Variants in TTC27 observed in about 807,000 individuals in gnomAD.
TTC27 encodes tetratricopeptide repeat protein 27.
TTC27 carries 79 observed loss-of-function variants against 115.9 expected under a neutral mutation model. That is an observed-to-expected ratio of 0.68 (90% confidence interval 0.57 to 0.82). The LOEUF (loss-of-function observed/expected upper bound fraction) is 0.82. TTC27 is among the 40% of genes least tolerant of loss of function. TTC27 has a pLI of 0.00. For missense variants in TTC27, 1,054 were observed against 993.1 expected, an observed-to-expected ratio of 1.06 and a Z score of -0.82; for synonymous variants, 401 against 356.0, an observed-to-expected ratio of 1.13 and a Z score of -1.42.
intron 12 of TTC27, among the ~76,000 whole-genome samples, chr2:32,741,472 T>A (rs1458913402): frequency 6.7e-6 from 1 of 149,988 alleles, no homozygotes; most frequent in African/African-American, 2.5e-5. Flanking sequence ...TGAAACCCCA[T>A]CTCTACTAAA....
chr2:32,647,815 C>T (rs1171863365), intron 4 of TTC27, among the ~76,000 whole-genome samples: 1 of 152,074 alleles, frequency 6.6e-6, no homozygotes, highest in Non-Finnish European at 1.5e-5. Flanking sequence ...AGCCACTGCA[C>T]TCCAACCTGG....
intron 10 of TTC27, among the ~76,000 whole-genome samples, chr2:32,725,987 C>T (rs139896496): frequency 1.3e-5 from 2 of 152,352 alleles, no homozygotes; most frequent in Admixed American, 1.3e-4. Flanking sequence ...ATGGTTCAAG[C>T]TCTACATTGG....
At chr2:32,739,243 A>G (rs1668546902) in intron 12 of TTC27, among the ~76,000 whole-genome samples, 1 of 152,234 alleles carries the variant, frequency 6.6e-6, no homozygotes, top group Non-Finnish European at 1.5e-5. Context: ...TACACTGGCC[A>G]AGAAATAAGT....
intron 10 of TTC27, among the ~76,000 whole-genome samples, chr2:32,703,656 G>A (rs746381123): frequency 2.5e-4 from 38 of 152,102 alleles, no homozygotes; most frequent in African/African-American, 7.0e-4. Context: ...TTCAGGTACC[G>A]TTCTTCATTT....
intron 16 of TTC27, among the ~76,000 whole-genome samples, chr2:32,790,705 C>T (rs564257175): frequency 6.6e-5 from 10 of 152,240 alleles, no homozygotes; most frequent in Admixed American, 4.6e-4. Flanking sequence ...AACAATTCCC[C>T]ATTTCCTCCC....
chr2:32,745,880 C>T (rs948800958), intron 12 of TTC27, among the ~76,000 whole-genome samples: 5 of 152,132 alleles, frequency 3.3e-5, no homozygotes, highest in African/African-American at 1.2e-4. Flanking sequence ...AATTGGCAAG[C>T]ATCTCTGGGC....
In TTC27 at chr2:32,650,142, G is replaced by C. The variant is rs1665036230; in HGVS notation, c.549G>C (p.Trp183Cys). ...GTGTTTTTTCCTAGAGCTTGCCATG[G>C]TGGACTTTGAGATGTGTGAATATTC... ...HKLTAIQSLP[W>C]WTLRCVNIHQ... is the part of the protein sequence containing the mutation. Residue 183 changes from tryptophan (W) to cysteine (C), a missense_variant, in exon 5 of 20, where the codon TGG (tryptophan) becomes TGC (cysteine). By Grantham distance (215) the Trp-to-Cys change is radical. Transcript: ENST00000317907. The C allele has an allele frequency of 6.2e-7, 1 of 1,613,376 alleles. No individual in the cohort carries two copies. The highest frequency in any genetic ancestry group is 8.5e-7 in the Non-Finnish European group (1 of 1,179,594).
At chr2:32,665,061 G>A (rs1413143936) in intron 6 of TTC27, among the ~76,000 whole-genome samples, 1 of 151,786 alleles carries the variant, frequency 6.6e-6, no homozygotes, top group East Asian at 1.9e-4. Flanking sequence ...TGGCCAGGCT[G>A]GTTTTGAATT....
chr2:32,785,785 A>T (rs1430949926), intron 15 of TTC27, among the ~76,000 whole-genome samples: 1 of 151,980 alleles, frequency 6.6e-6, no homozygotes, highest in Non-Finnish European at 1.5e-5. Context: ...TAGTAGAGAC[A>T]GGGTTTCATC....
chr2:32,723,728 C>CTCCG (rs1454826952), intron 10 of TTC27, among the ~76,000 whole-genome samples: 8 of 29,532 alleles, frequency 2.7e-4, no homozygotes, highest in African/African-American at 1.0e-3. Flanking sequence ...CCCTCCCTCC[C>CTCCG]TCCTTCCTTC....
In TTC27 at chr2:32,758,763, T is replaced by C. The variant is rs892706075; in HGVS notation, c.1680+244T>C. Among the ~76,000 whole-genome samples, 16 of 107,048 alleles carry C rather than the reference T, an allele frequency of 1.5e-4. No individual in the cohort carries two copies. The South Asian group carries it at 7.5e-3, about 50-fold the overall frequency. 70.2% of individuals were successfully genotyped at this position (107,048 alleles called of 152,430 possible). On this transcript the variant is annotated intron_variant, in intron 13 of 19. Transcript: ENST00000317907. ...TGTTTCATTTTGTTATTTTTTTCCC[T>C]TATCTGTCCTTAACTGACATACAAC...
At chr2:32,647,404 A>C (rs527523902) in intron 4 of TTC27, among the ~76,000 whole-genome samples, 1 of 152,204 alleles carries the variant, frequency 6.6e-6, no homozygotes, top group Non-Finnish European at 1.5e-5. Flanking sequence ...TGCTATAGTG[A>C]TAGGAAAAGA....
At chr2:32,746,486 C>T (rs946890965) in intron 12 of TTC27, among the ~76,000 whole-genome samples, 3 of 133,984 alleles carry the variant, frequency 2.2e-5, no homozygotes, top group Admixed American at 1.8e-4. Flanking sequence ...TTGCTTGAAC[C>T]TGGGAGGCAG....
At chr2:32,676,281 C>A (rs1666202275) in intron 8 of TTC27, among the ~76,000 whole-genome samples, 1 of 151,856 alleles carries the variant, frequency 6.6e-6, no homozygotes, top group South Asian at 2.1e-4. Context: ...TGTATGCATT[C>A]ATGTGTGTTT....
intron 9 of TTC27, among the ~76,000 whole-genome samples, chr2:32,690,253 A>G (rs1005482641): frequency 3.9e-5 from 6 of 152,188 alleles, no homozygotes; most frequent in African/African-American, 7.2e-5. Context: ...TTTGCTGCCT[A>G]TATGAAAATT....
intron 1 of TTC27, among the ~76,000 whole-genome samples, chr2:32,628,627 A>G (rs2063531300): frequency 6.6e-6 from 1 of 152,178 alleles, no homozygotes; most frequent in African/African-American, 2.4e-5. Flanking sequence ...AGCCCTTAAC[A>G]TGTACTCAGT....
intron 9 of TTC27, among the ~76,000 whole-genome samples, chr2:32,687,589 G>A (rs1444979977): frequency 1.3e-5 from 2 of 152,072 alleles, no homozygotes; most frequent in Non-Finnish European, 2.9e-5. Flanking sequence ...GACTCAGATG[G>A]GTTGATAATA....
chr2:32,639,684 A>AT (rs202151176), intron 3 of TTC27, among the ~76,000 whole-genome samples: 1,547 of 152,040 alleles, frequency 0.01, 13 homozygotes, highest in Middle Eastern at 0.027. Context: ...CAATGCTAGC[A>AT]TTTTTTTTGA....
rs1216879828 is a variant in TTC27, at chr2:32,761,774, C to T, written c.1680+3255C>T. ...TTTCCTTCCCTGCTTTATTTTTTTC[C>T]GTAGCACTTATGTATAGCTTACTTT... On this transcript the variant is annotated intron_variant, in intron 13 of 19. Transcript: ENST00000317907. Among the ~76,000 whole-genome samples the T allele has an allele frequency of 3.3e-5, 5 of 152,128 alleles. No individual in the cohort carries two copies. The East Asian group carries it at 7.7e-4, about 24-fold the overall frequency.
Sources: gnomAD v4.1 joint callset for allele counts (sites outside exome capture counted in the v4.1 genomes callset) on GRCh38, gnomAD v4.1.1 for gene constraint, MANE v1.5 for transcripts, NCBI Gene and HGNC (gene_info 2026-07-23, HGNC 2026-07-21) for gene names.